Variants in ZBTB7C observed in about 807,000 individuals in gnomAD.
ZBTB7C encodes zinc finger and BTB domain-containing protein 7C.
A neutral mutation model predicts 25.7 loss-of-function variants in ZBTB7C; 8 were observed. That is an observed-to-expected ratio of 0.31 (90% CI 0.18 to 0.56). The LOEUF is 0.56. Among genes scored for constraint, ZBTB7C ranks in the 20% least tolerant of loss-of-function variants. The pLI, the probability that ZBTB7C is intolerant of heterozygous loss-of-function variation, is 0.91. For synonymous variants in ZBTB7C, 394 were observed against 369.0 expected (o/e 1.07, Z -0.78); for missense variants, 824 against 855.2 (o/e 0.96, Z 0.46).
chr18:48,057,050 CAAA>C (rs11380205), intron 3 of ZBTB7C, among the ~76,000 whole-genome samples: 10 of 64,298 alleles, frequency 1.6e-4, no homozygotes, highest in African/African-American at 5.2e-4. Context: ...GAAAAATTGT[CAAA>C]AAAAAAAAAA....
At chr18:48,263,424 G>A (rs1027715457) in intron 2 of ZBTB7C, among the ~76,000 whole-genome samples, 1 of 152,198 alleles carries the variant, frequency 6.6e-6, no homozygotes, top group Admixed American at 6.5e-5. Flanking sequence ...CCACTCTGCA[G>A]CCACTCGTCC....
intron 3 of ZBTB7C, among the ~76,000 whole-genome samples, chr18:48,087,477 C>A (rs1220624666): frequency 6.6e-6 from 1 of 152,182 alleles, no homozygotes; most frequent in Non-Finnish European, 1.5e-5. Flanking sequence ...CCTGGTCTGG[C>A]AGAGGCCAAA....
chr18:48,084,412 G>A (rs1465224804), intron 3 of ZBTB7C, among the ~76,000 whole-genome samples: 1 of 152,138 alleles, frequency 6.6e-6, no homozygotes, highest in Non-Finnish European at 1.5e-5. Flanking sequence ...TTAGGAAGCG[G>A]CCATCTTTAG....
chr18:48,180,327 C>T (rs1342022959), intron 3 of ZBTB7C: 1 of 456,516 alleles, frequency 2.2e-6, no homozygotes, highest in Non-Finnish European at 4.4e-6. Context: ...TTCCCCAGCA[C>T]ACCTGTTCAT....
chr18:48,040,535 C>G lies in ZBTB7C; in HGVS notation c.573G>C (p.Lys191Asn). ...QDISCHQSPS[K>N]TDHLTEKAYS... ...AGGCCTTCTCTGTGAGATGGTCTGT[C>G]TTGGAAGGGCTTTGGTGGCAGCTGA... The change falls in exon 4 of 5, where the codon AAG becomes AAC. Residue 191 changes from lysine to asparagine, a missense_variant. By Grantham distance (94) the Lys-to-Asn change is moderately conservative. Around this residue, in one of 4 missense-constraint regions of ZBTB7C, gnomAD observed 316 missense variants for 299.2 expected, o/e 1.06. Transcript: ENST00000590800. 1 of 1,614,026 alleles carries G rather than the reference C, an allele frequency of 6.2e-7. No homozygotes were observed. The highest frequency in any genetic ancestry group is 8.5e-7 in the Non-Finnish European group (1 of 1,179,968).
At chr18:48,365,920 G>A (rs936368244) in intron 1 of ZBTB7C, among the ~76,000 whole-genome samples, 3 of 152,220 alleles carry the variant, frequency 2.0e-5, no homozygotes, top group African/African-American at 7.2e-5. Context: ...GGGCCTGCAG[G>A]TTCATGGAGG....
In ZBTB7C at chr18:48,179,612, G is replaced by A. The variant is rs1383745637; in HGVS notation, c.-17+6322C>T. On this transcript the variant is annotated intron_variant, in intron 3 of 4. Transcript: ENST00000590800. ...CGGGAGGGACAGGAAAGGAGCATCT[G>A]TTGGGGGAGTGGTCAGAAGTCAGGC... is the stretch of plus-strand genomic sequence containing the variant. Among the ~76,000 whole-genome samples, 5 of 152,172 alleles carry A rather than the reference G, an allele frequency of 3.3e-5. No individual in the cohort carries two copies. The East Asian group carries it at 7.7e-4, about 23-fold the overall frequency.
At position 48,383,122 on chromosome 18, in the gene ZBTB7C, T is replaced by G. The variant is rs565624435; in HGVS notation, c.-304+26104A>C. Reference sequence around the variant, plus strand: ...TAGCCTCAGAAGACCATGAGTCCAATTGTCAGCCCGACCCTCAAACCCACC... The same window carrying G: ...TAGCCTCAGAAGACCATGAGTCCAAGTGTCAGCCCGACCCTCAAACCCACC... On this transcript the variant is annotated intron_variant, in intron 1 of 4. Coordinates refer to ENST00000590800, the MANE Select transcript of ZBTB7C (RefSeq NM_001318841.2). Among the ~76,000 whole-genome samples the G allele has an allele frequency of 8.5e-5, 13 of 152,232 alleles. No individual in the cohort carries two copies. The South Asian group carries it at 2.7e-3, about 32-fold the overall frequency.
chr18:48,406,331 G>A (rs2048281577), intron 1 of ZBTB7C, among the ~76,000 whole-genome samples: 2 of 152,070 alleles, frequency 1.3e-5, no homozygotes, highest in Admixed American at 1.3e-4. Context: ...GCTGGAGAGG[G>A]GTGAGAGGCC....
rs376871509 is a variant in ZBTB7C at position 48,373,854 on chromosome 18, G to A, written c.-304+35372C>T. Among the ~76,000 whole-genome samples the A allele has an allele frequency of 2.5e-4, 38 of 152,150 alleles. No homozygotes were observed. In the South Asian group the frequency reaches 7.1e-3, roughly 28 times the overall value. ...CGGGGGCCTGTAGTCCCAGCTACTC[G>A]GGGGGCTAAGGAAGGAGAATGGCGT... On this transcript the variant is annotated intron_variant, in intron 1 of 4. Coordinates refer to ENST00000590800, the MANE Select transcript of ZBTB7C (RefSeq NM_001318841.2).
chr18:48,032,895 A>G (rs1033621660), intron 4 of ZBTB7C, among the ~76,000 whole-genome samples: 2 of 152,206 alleles, frequency 1.3e-5, no homozygotes, highest in African/African-American at 2.4e-5. Context: ...CAATTGGTCC[A>G]AGGATGTAAG....
chr18:48,277,849 T>A (rs565738111), intron 2 of ZBTB7C, among the ~76,000 whole-genome samples: 2 of 151,506 alleles, frequency 1.3e-5, no homozygotes, highest in African/African-American at 2.4e-5. Flanking sequence ...TTTTTTTTTT[T>A]AAATCGACCC....
In ZBTB7C at chr18:48,348,264, T is replaced by C. The variant is rs144806413; in HGVS notation, c.-303-9866A>G. On this transcript the variant is annotated intron_variant, in intron 1 of 4. Coordinates refer to ENST00000590800, the MANE Select transcript of ZBTB7C (RefSeq NM_001318841.2). Reference sequence around the variant, plus strand: ...CAGATTTAGAATTCAACCCCAGCTTTATACATCCCTGATGTCATCCTAGGT... The same window carrying C: ...CAGATTTAGAATTCAACCCCAGCTTCATACATCCCTGATGTCATCCTAGGT... Among the ~76,000 whole-genome samples the C allele has an allele frequency of 8.0e-3, 1,215 of 152,342 alleles. 10 individuals are homozygous for C. The highest frequency in any genetic ancestry group is 0.02 in the Middle Eastern group (6 of 294).
At chr18:48,180,668 A>T (rs919013688) in intron 3 of ZBTB7C, among the ~76,000 whole-genome samples, 2 of 152,192 alleles carry the variant, frequency 1.3e-5, no homozygotes, top group African/African-American at 4.8e-5. Flanking sequence ...TCTACAGTGT[A>T]TATACAGCTA....
At chr18:48,282,342 A>G (rs1178211942) in intron 2 of ZBTB7C, among the ~76,000 whole-genome samples, 8 of 149,002 alleles carry the variant, frequency 5.4e-5, no homozygotes, top group Non-Finnish European at 1.0e-4. Flanking sequence ...GGATAGCATT[A>G]GGAGATATAC....
intron 2 of ZBTB7C, among the ~76,000 whole-genome samples, chr18:48,188,190 G>A (rs980091242): frequency 6.6e-6 from 1 of 152,132 alleles, no homozygotes; most frequent in African/African-American, 2.4e-5. Context: ...ACTGGGCCAG[G>A]GAGCCTGTAT....
chr18:48,195,974 C>T (rs1017704226), intron 2 of ZBTB7C, among the ~76,000 whole-genome samples: 6 of 152,158 alleles, frequency 3.9e-5, no homozygotes, highest in South Asian at 2.1e-4. Flanking sequence ...GGAATGAAGC[C>T]CAGCTGCCTC....
intron 2 of ZBTB7C, among the ~76,000 whole-genome samples, chr18:48,280,764 C>T (rs2044817225): frequency 6.6e-6 from 1 of 152,004 alleles, no homozygotes; most frequent in African/African-American, 2.4e-5. Context: ...AACTAACACT[C>T]AGTAGCCAAC....
At chr18:48,212,708 G>A (rs968871907) in intron 2 of ZBTB7C, among the ~76,000 whole-genome samples, 1 of 152,046 alleles carries the variant, frequency 6.6e-6, no homozygotes, top group African/African-American at 2.4e-5. Context: ...GAGGGGACAA[G>A]TTAGTTTGTG....
Sources: gnomAD v4.1 joint callset for allele counts (sites outside exome capture counted in the v4.1 genomes callset) on GRCh38, gnomAD v4.1.1 for gene constraint, gnomAD v4.1.1 regional missense constraint, MANE v1.5 for transcripts, NCBI Gene and HGNC (gene_info 2026-07-23, HGNC 2026-07-21) for gene names.